The following MARCHF1 variants were observed in gnomAD, a reference collection of about 807,000 sequenced individuals.
MARCHF1 encodes the protein E3 ubiquitin-protein ligase MARCHF1.
In MARCHF1, 40 loss-of-function variants were observed where a neutral mutation model predicts 54.2. The ratio of observed to expected loss-of-function variants is 0.74; its 90% CI spans 0.57 to 0.96. MARCHF1 has a LOEUF of 0.96. Ranked by LOEUF, MARCHF1 falls within the 40% of genes least tolerant of loss-of-function variation. MARCHF1 has a pLI of 0.00. For missense variants in MARCHF1, 586 were observed against 656.5 expected (o/e 0.89, Z 1.17); for synonymous variants, 236 against 236.3 (o/e 1.00, Z 0.01).
intron 1 of MARCHF1, among the ~76,000 whole-genome samples, chr4:164,200,967 C>G (rs557579815): frequency 1.4e-4 from 22 of 151,900 alleles, no homozygotes; most frequent in Non-Finnish European, 2.2e-4. Context: ...AACAGACTAA[C>G]AGAAAGAAAG....
At chr4:164,133,713 A>T (rs879742719) in intron 1 of MARCHF1, among the ~76,000 whole-genome samples, 1 of 152,204 alleles carries the variant, frequency 6.6e-6, no homozygotes, top group African/African-American at 2.4e-5. Flanking sequence ...AAAGAACTAA[A>T]ACTCTTAAAA....
chr4:163,945,082 T>A (rs1485119251), intron 3 of MARCHF1, among the ~76,000 whole-genome samples: 1 of 152,138 alleles, frequency 6.6e-6, no homozygotes, highest in Admixed American at 6.5e-5. Context: ...AAGAGCTACA[T>A]CTCAGGCATA....
At chr4:164,078,546 TA>T (rs902176224) in intron 2 of MARCHF1, among the ~76,000 whole-genome samples, 4 of 135,352 alleles carry the variant, frequency 3.0e-5, no homozygotes, top group African/African-American at 7.7e-5. Context: ...AATTTTTTTT[TA>T]AAAAAGAACA....
chr4:164,139,073 A>G (rs188600870), intron 1 of MARCHF1, among the ~76,000 whole-genome samples: 270 of 152,358 alleles, frequency 1.8e-3, no homozygotes, highest in African/African-American at 6.3e-3. Context: ...TACATGAAAC[A>G]TAAGAGTTCT....
At chr4:163,906,612 C>T (rs373651781) in intron 3 of MARCHF1, among the ~76,000 whole-genome samples, 1 of 151,720 alleles carries the variant, frequency 6.6e-6, no homozygotes, top group East Asian at 1.9e-4. Flanking sequence ...TATTTATCAC[C>T]TTTTATCAGC....
chr4:163,670,962 C>G (rs1743715547), intron 5 of MARCHF1, among the ~76,000 whole-genome samples: 4 of 152,136 alleles, frequency 2.6e-5, no homozygotes, highest in Admixed American at 2.6e-4. Context: ...GCTAGGCTGA[C>G]CTAGCAAATG....
At chr4:163,679,174 C>T (rs1030644005) in intron 5 of MARCHF1, among the ~76,000 whole-genome samples, 3 of 152,154 alleles carry the variant, frequency 2.0e-5, no homozygotes, top group Non-Finnish European at 4.4e-5. Flanking sequence ...AATGTTTTGG[C>T]AGAATCTGAA....
chr4:164,172,841 C>A (rs966890278), intron 1 of MARCHF1, among the ~76,000 whole-genome samples: 1 of 151,934 alleles, frequency 6.6e-6, no homozygotes, highest in Non-Finnish European at 1.5e-5. Flanking sequence ...GCCGGGCCCA[C>A]GTGGTGGCGG....
At position 163,596,943 on chromosome 4, in the gene MARCHF1, A is replaced by C. The variant is rs182005307; in HGVS notation, c.1011-11014T>G. On this transcript the variant is annotated intron_variant, in intron 7 of 9. Transcript: ENST00000514618. ...TCCAGAATGATTCTTACATCATTTA[A>C]TTACCCCAATTATTATTATTATTAT... Among the ~76,000 whole-genome samples the C allele has an allele frequency of 4.6e-3, 660 of 143,024 alleles. 6 individuals are homozygous for C. The highest frequency in any genetic ancestry group is 0.015 in the African/African-American group (623 of 40,510). The allele number at this position is 143,024 out of a possible 152,430, so 93.8% of individuals were successfully genotyped here. A position where few individuals can be genotyped will look rare whatever the true frequency, so the allele number is the denominator to read the frequency against.
chr4:164,078,680 G>A (rs962031468), intron 2 of MARCHF1, among the ~76,000 whole-genome samples: 2 of 152,144 alleles, frequency 1.3e-5, no homozygotes, highest in Non-Finnish European at 2.9e-5. Flanking sequence ...TACTAGAACT[G>A]AAGTTAAAAT....
chr4:164,031,650 T>C lies in MARCHF1; in HGVS notation c.-247-42941A>G, dbSNP rs531686390. Among the ~76,000 whole-genome samples, 20 of 152,284 alleles carry C rather than the reference T, an allele frequency of 1.3e-4. No homozygotes were observed. In the East Asian group the frequency reaches 2.3e-3, roughly 18 times the overall value. On this transcript the variant is annotated intron_variant, in intron 2 of 9. Transcript: ENST00000514618. ...GATTATGTCTATTTATTTGCTTATGTTGAACCAGCCTTGCATCCCAGAGAT... is the reference window on the plus strand; with the variant it reads ...GATTATGTCTATTTATTTGCTTATGCTGAACCAGCCTTGCATCCCAGAGAT...
At chr4:163,788,544 G>T (rs1012006704) in intron 4 of MARCHF1, among the ~76,000 whole-genome samples, 1 of 151,926 alleles carries the variant, frequency 6.6e-6, no homozygotes, top group African/African-American at 2.4e-5. Flanking sequence ...TGACACTTTT[G>T]AAGAGTTCTA....
At chr4:163,691,053 G>A (rs899542765) in intron 5 of MARCHF1, among the ~76,000 whole-genome samples, 4 of 152,124 alleles carry the variant, frequency 2.6e-5, no homozygotes, top group South Asian at 2.1e-4. Flanking sequence ...AAGGCAAAGC[G>A]TCATTTTATG....
chr4:164,080,818 CA>C (rs1205932882), intron 2 of MARCHF1, among the ~76,000 whole-genome samples: 2 of 151,920 alleles, frequency 1.3e-5, no homozygotes, highest in Admixed American at 6.6e-5. Flanking sequence ...AAGTTACTTT[CA>C]GGGGGAAAAA....
chr4:164,120,250 T>A (rs1165732561), intron 1 of MARCHF1, among the ~76,000 whole-genome samples: 1 of 152,054 alleles, frequency 6.6e-6, no homozygotes, highest in Non-Finnish European at 1.5e-5. Context: ...GGTCACTATA[T>A]AATGACAAAG....
intron 1 of MARCHF1, among the ~76,000 whole-genome samples, chr4:164,274,111 C>G (rs1335568819): frequency 6.6e-6 from 1 of 151,936 alleles, no homozygotes; most frequent in Non-Finnish European, 1.5e-5. Flanking sequence ...TTAAAATTAC[C>G]TAGTCTACAA....
At chr4:163,716,869 CTTG>C (rs1234034018) in intron 4 of MARCHF1, among the ~76,000 whole-genome samples, 5 of 152,084 alleles carry the variant, frequency 3.3e-5, no homozygotes, top group Non-Finnish European at 4.4e-5. Flanking sequence ...TAGCAATCTT[CTTG>C]TTAATTGTTA....
chr4:163,546,879 C>T (rs936592601), intron 8 of MARCHF1, among the ~76,000 whole-genome samples: 5 of 152,168 alleles, frequency 3.3e-5, no homozygotes, highest in Non-Finnish European at 7.4e-5. Flanking sequence ...ATTTTAATGT[C>T]TTTGTAGCTA....
At chr4:163,723,237 A>T (rs906627926) in intron 4 of MARCHF1, among the ~76,000 whole-genome samples, 21 of 152,178 alleles carry the variant, frequency 1.4e-4, no homozygotes, top group Non-Finnish European at 4.4e-5. Flanking sequence ...AAAATCTCTC[A>T]GCATTTGCTT....
Sources: allele counts gnomAD v4.1 joint callset (sites outside exome capture counted in the v4.1 genomes callset), GRCh38; gene constraint gnomAD v4.1.1; transcripts MANE v1.5; gene names NCBI Gene and HGNC (gene_info 2026-07-23, HGNC 2026-07-21).